ADAM12: variants seen among roughly 807,000 people sequenced by gnomAD.
The protein encoded by ADAM12 is disintegrin and metalloproteinase domain-containing protein 12.
In ADAM12, 70 loss-of-function variants were observed where a neutral mutation model predicts 106.4. That is an observed-to-expected ratio of 0.66 (90% CI 0.54 to 0.80). The LOEUF is 0.80. Among genes scored for constraint, ADAM12 ranks in the 30% least tolerant of loss-of-function variants. The pLI, the probability that ADAM12 is intolerant of heterozygous loss-of-function variation, is 0.00. For synonymous variants in ADAM12, 420 were observed against 433.5 expected (o/e 0.97, Z 0.39); for missense variants, 1,010 against 1,171.9 (o/e 0.86, Z 2.02).
chr10:126,265,951 T>C (rs1402225510), intron 3 of ADAM12, among the ~76,000 whole-genome samples: 1 of 152,240 alleles, frequency 6.6e-6, no homozygotes, highest in Non-Finnish European at 1.5e-5. Context: ...GATAGTACTA[T>C]AAAATTTTTA....
At chr10:126,040,580 T>TA (rs1263951606) in intron 18 of ADAM12, among the ~76,000 whole-genome samples, 1 of 152,182 alleles carries the variant, frequency 6.6e-6, no homozygotes, top group African/African-American at 2.4e-5. Flanking sequence ...AGTCTTGACT[T>TA]ACTTGTTGGT....
intron 3 of ADAM12, among the ~76,000 whole-genome samples, chr10:126,211,326 C>T (rs1447829729): frequency 3.3e-5 from 5 of 152,240 alleles, no homozygotes; most frequent in African/African-American, 1.2e-4. Flanking sequence ...CGGCATACCC[C>T]ACCCTCCCGG....
intron 2 of ADAM12, among the ~76,000 whole-genome samples, chr10:126,322,204 G>A (rs1352386689): frequency 6.6e-6 from 1 of 152,116 alleles, no homozygotes; most frequent in Non-Finnish European, 1.5e-5. Flanking sequence ...GTATTATCTA[G>A]GGCTGCTTCT....
intron 5 of ADAM12, among the ~76,000 whole-genome samples, chr10:126,131,606 C>T (rs531651239): frequency 6.6e-6 from 1 of 152,168 alleles, no homozygotes; most frequent in East Asian, 1.9e-4. Context: ...GAGCTTCCTC[C>T]CTCTGTACAC....
chr10:126,318,564 T>TCACACACTCTCA (rs761141263), intron 2 of ADAM12, among the ~76,000 whole-genome samples: 1 of 151,178 alleles, frequency 6.6e-6, no homozygotes, highest in African/African-American at 2.4e-5. Flanking sequence ...ACATTCACAC[T>TCACACACTCTCA]CACACACTCA....
At chr10:126,244,537 A>G (rs573166115) in intron 3 of ADAM12, among the ~76,000 whole-genome samples, 1 of 152,330 alleles carries the variant, frequency 6.6e-6, no homozygotes, top group South Asian at 2.1e-4. Flanking sequence ...AGTTTAGACT[A>G]GAGATGCCAA....
chr10:126,352,746 G>C lies in ADAM12; in HGVS notation c.89-22237C>G, dbSNP rs181656151. On this transcript the variant is annotated intron_variant, in intron 1 of 22. Transcript: ENST00000448723. ...ACCCCATTCTGCTGAGCAGGGGAAG[G>C]GCTGGGTGGGAAGTGAGCCTTGGAG... 4.0e-4 allele frequency among the ~76,000 whole-genome samples: 61 copies of C among 152,332 alleles called. 1 individual carries two copies. In the East Asian group the frequency reaches 8.9e-3, roughly 22 times the overall value.
chr10:126,353,378 G>A (rs1030944257), intron 1 of ADAM12, among the ~76,000 whole-genome samples: 1 of 152,214 alleles, frequency 6.6e-6, no homozygotes. Flanking sequence ...CAGGGAGAAT[G>A]TCTTCCACAA....
chr10:126,106,098 C>G (rs1955761184), intron 8 of ADAM12, among the ~76,000 whole-genome samples: 1 of 152,164 alleles, frequency 6.6e-6, no homozygotes, highest in African/African-American at 2.4e-5. Flanking sequence ...ACCTGCCCCT[C>G]CACTCCAACG....
chr10:126,337,272 T>C (rs1854736176), intron 1 of ADAM12, among the ~76,000 whole-genome samples: 1 of 152,138 alleles, frequency 6.6e-6, no homozygotes, highest in Non-Finnish European at 1.5e-5. Context: ...TCCCACAGTC[T>C]GAAGTCTTCA....
chr10:126,159,658 G>A (rs533054667), intron 3 of ADAM12, among the ~76,000 whole-genome samples: 4 of 152,302 alleles, frequency 2.6e-5, no homozygotes, highest in Non-Finnish European at 4.4e-5. Flanking sequence ...GTATGAGGGA[G>A]AGAAAAGTCC....
At chr10:126,372,834 T>C (rs144509608) in intron 1 of ADAM12, among the ~76,000 whole-genome samples, 1 of 152,270 alleles carries the variant, frequency 6.6e-6, no homozygotes, top group East Asian at 1.9e-4. Flanking sequence ...AGAAGGATGA[T>C]AATCACCTTT....
intron 18 of ADAM12, chr10:126,041,553 CCTT>C (rs771420961): frequency 4.0e-4 from 394 of 985,810 alleles, no homozygotes; most frequent in Non-Finnish European, 4.6e-4. Flanking sequence ...CTTTCTCCTA[CCTT>C]CTTCTCCAGT....
chr10:126,242,568 G>A (rs755121628), intron 3 of ADAM12, among the ~76,000 whole-genome samples: 5 of 152,194 alleles, frequency 3.3e-5, no homozygotes, highest in Non-Finnish European at 7.3e-5. Flanking sequence ...TTCACAGAGC[G>A]TGGGCGTCTC....
At chr10:126,248,936 C>T (rs974250129) in intron 3 of ADAM12, among the ~76,000 whole-genome samples, 1 of 152,068 alleles carries the variant, frequency 6.6e-6, no homozygotes, top group East Asian at 1.9e-4. Context: ...GAACTCCTGA[C>T]CTCAAGTGAT....
chr10:126,189,855 C>T (rs767793195), intron 3 of ADAM12, among the ~76,000 whole-genome samples: 10 of 152,094 alleles, frequency 6.6e-5, no homozygotes, highest in South Asian at 2.1e-4. Context: ...TTCCTGAAGA[C>T]GGCATTGCGG....
chr10:126,285,586 C>T (rs929929749), intron 2 of ADAM12, among the ~76,000 whole-genome samples: 12 of 152,146 alleles, frequency 7.9e-5, no homozygotes, highest in Non-Finnish European at 1.5e-4. Flanking sequence ...TCTAAGTTCC[C>T]TCTTTAGGGC....
chr10:126,296,078 G>A (rs1307475688), intron 2 of ADAM12, among the ~76,000 whole-genome samples: 8 of 152,256 alleles, frequency 5.3e-5, no homozygotes, highest in East Asian at 1.9e-4. Context: ...GTCCATCCCC[G>A]TGCGTGGGGA....
At chr10:126,035,232 C>A (rs555451901) in intron 21 of ADAM12, among the ~76,000 whole-genome samples, 1 of 152,178 alleles carries the variant, frequency 6.6e-6, no homozygotes, top group African/African-American at 2.4e-5. Flanking sequence ...TATTATGAGG[C>A]TTAAAATGGT....
Sources: gnomAD v4.1 joint callset for allele counts (sites outside exome capture counted in the v4.1 genomes callset) on GRCh38, gnomAD v4.1.1 for gene constraint, MANE v1.5 for transcripts, NCBI Gene and HGNC (gene_info 2026-07-23, HGNC 2026-07-21) for gene names.